Variants in KCNIP4 observed in about 807,000 individuals in gnomAD.
KCNIP4 encodes Kv channel-interacting protein 4.
KCNIP4 carries 12 observed loss-of-function variants against 34.0 expected under a neutral mutation model. The observed-to-expected ratio is 0.35, with a 90% CI of 0.23 to 0.57. The LOEUF is 0.57. Among genes scored for constraint, KCNIP4 ranks in the 20% least tolerant of loss-of-function variants. The pLI is 0.83. For missense variants in KCNIP4, 238 were observed against 311.7 expected (o/e 0.76, Z 1.78); for synonymous variants, 124 against 102.2 (o/e 1.21, Z -1.29).
At chr4:21,698,443 C>CT (rs1712573445) in intron 1 of KCNIP4, among the ~76,000 whole-genome samples, 1 of 152,100 alleles carries the variant, frequency 6.6e-6, no homozygotes, top group Middle Eastern at 3.2e-3. Flanking sequence ...TACCAATCAA[C>CT]TTTTTTAAAG....
chr4:21,390,128 T>C (rs1436145996), intron 1 of KCNIP4, among the ~76,000 whole-genome samples: 10 of 152,072 alleles, frequency 6.6e-5, no homozygotes, highest in Non-Finnish European at 1.2e-4. Context: ...TCATATCCTT[T>C]GCCCAATTTT....
intron 1 of KCNIP4, among the ~76,000 whole-genome samples, chr4:21,863,047 C>A (rs1725187674): frequency 2.0e-5 from 3 of 151,612 alleles, no homozygotes; most frequent in Admixed American, 2.0e-4. Flanking sequence ...ACTGTTAATA[C>A]CACCAGTTTC....
At chr4:21,085,189 A>G (rs1746313061) in intron 1 of KCNIP4, among the ~76,000 whole-genome samples, 1 of 152,126 alleles carries the variant, frequency 6.6e-6, no homozygotes, top group Non-Finnish European at 1.5e-5. Context: ...TATGAATAGA[A>G]TTAAAGCTCT....
chr4:20,857,140 C>T (rs1721674658), intron 2 of KCNIP4, among the ~76,000 whole-genome samples: 1 of 151,834 alleles, frequency 6.6e-6, no homozygotes, highest in Non-Finnish European at 1.5e-5. Flanking sequence ...TCCTACCTGC[C>T]AAAGGGCTGT....
At chr4:21,519,487 C>CAT (rs571632022) in intron 1 of KCNIP4, among the ~76,000 whole-genome samples, 1 of 85,708 alleles carries the variant, frequency 1.2e-5, no homozygotes, top group Non-Finnish European at 2.8e-5. Context: ...TGTATATACA[C>CAT]ATATGTGTGT....
At chr4:21,553,150 T>A (rs77741436) in intron 1 of KCNIP4, among the ~76,000 whole-genome samples, 1 of 34,152 alleles carries the variant, frequency 2.9e-5, no homozygotes, top group Non-Finnish European at 5.9e-5. Flanking sequence ...AAGGGGGGGG[T>A]CATAAAAGAG....
intron 1 of KCNIP4, among the ~76,000 whole-genome samples, chr4:21,648,038 T>G (rs1401722161): frequency 6.6e-6 from 1 of 151,772 alleles, no homozygotes; most frequent in Non-Finnish European, 1.5e-5. Context: ...CACGCCCAGC[T>G]AATTTTTTGT....
At chr4:20,958,957 G>A (rs1560601536) in intron 1 of KCNIP4, among the ~76,000 whole-genome samples, 1 of 152,172 alleles carries the variant, frequency 6.6e-6, no homozygotes, top group Non-Finnish European at 1.5e-5. Context: ...TTACAGCTGT[G>A]AGATGTCAAG....
chr4:20,983,489 T>A (rs1736288621), intron 1 of KCNIP4, among the ~76,000 whole-genome samples: 1 of 152,148 alleles, frequency 6.6e-6, no homozygotes, highest in Non-Finnish European at 1.5e-5. Flanking sequence ...GTAACCAACA[T>A]GAACTTGACA....
intron 1 of KCNIP4, among the ~76,000 whole-genome samples, chr4:20,902,290 G>C (rs1221588215): frequency 6.6e-6 from 1 of 152,080 alleles, no homozygotes; most frequent in Non-Finnish European, 1.5e-5. Flanking sequence ...TGGAGACAAG[G>C]GGACAGAGGA....
intron 1 of KCNIP4, among the ~76,000 whole-genome samples, chr4:21,172,121 G>A (rs541964655): frequency 2.0e-5 from 3 of 151,984 alleles, no homozygotes; most frequent in African/African-American, 4.8e-5. Flanking sequence ...TCTGCCTCCC[G>A]GGTTCAAGCA....
chr4:20,839,914 G>T (rs1367375674), intron 3 of KCNIP4, among the ~76,000 whole-genome samples: 1 of 152,144 alleles, frequency 6.6e-6, no homozygotes, highest in Non-Finnish European at 1.5e-5. Context: ...AGCATAACAG[G>T]TGTGAGATCA....
In KCNIP4 at chr4:21,317,675, C is replaced by T. The variant is rs147704491; in HGVS notation, c.62-434966G>A. On this transcript the variant is annotated intron_variant, in intron 1 of 8. Transcript: ENST00000382152. Reference sequence around the variant, plus strand: ...CATTTTGGAGATCCTCTTTTGAGAACTGATATGGTTTGGCTGTGTCCCCAC... The same window carrying T: ...CATTTTGGAGATCCTCTTTTGAGAATTGATATGGTTTGGCTGTGTCCCCAC... Among the ~76,000 whole-genome samples the T allele has an allele frequency of 1.7e-3, 253 of 152,262 alleles. 3 individuals carry two copies. The highest frequency in any genetic ancestry group is 0.011 in the Admixed American group (170 of 15,284).
At chr4:21,325,509 C>T (rs1391736183) in intron 1 of KCNIP4, among the ~76,000 whole-genome samples, 1 of 151,688 alleles carries the variant, frequency 6.6e-6, no homozygotes, top group Admixed American at 6.6e-5. Context: ...ATTAGTCTGT[C>T]TAAAGTTCTG....
In KCNIP4 at chr4:21,479,563, T is replaced by C. The variant is rs534968944; in HGVS notation, c.61+469008A>G. Reference sequence around the variant, plus strand: ...CTTAGGCCAGTTTACAAGTACTTTATAAGCTTGCTCTTTACAACATGCACA... The same window carrying C: ...CTTAGGCCAGTTTACAAGTACTTTACAAGCTTGCTCTTTACAACATGCACA... On this transcript the variant is annotated intron_variant, in intron 1 of 8. Coordinates refer to ENST00000382152, the MANE Select transcript of KCNIP4 (RefSeq NM_025221.6). Among the ~76,000 whole-genome samples the C allele has an allele frequency of 1.1e-4, 16 of 152,248 alleles. No homozygotes were observed. In the South Asian group the frequency reaches 3.3e-3, roughly 32 times the overall value.
chr4:21,704,133 A>C (rs1209244348), intron 1 of KCNIP4, among the ~76,000 whole-genome samples: 2 of 152,140 alleles, frequency 1.3e-5, no homozygotes, highest in African/African-American at 4.8e-5. Flanking sequence ...ATAGGCAAGA[A>C]CCCAACCTTG....
intron 1 of KCNIP4, among the ~76,000 whole-genome samples, chr4:21,507,270 AT>A (rs942154009): frequency 4.4e-4 from 62 of 142,012 alleles, no homozygotes; most frequent in African/African-American, 7.2e-4. Context: ...TTTTATTTTA[AT>A]TTTTTTTTTT....
chr4:21,462,112 A>G (rs541046779), intron 1 of KCNIP4, among the ~76,000 whole-genome samples: 1 of 152,060 alleles, frequency 6.6e-6, no homozygotes, highest in Admixed American at 6.6e-5. Context: ...AACTATAATC[A>G]CCCTACTGTG....
intron 1 of KCNIP4, among the ~76,000 whole-genome samples, chr4:21,741,838 A>G (rs1403467596): frequency 6.6e-6 from 1 of 152,080 alleles, no homozygotes; most frequent in Non-Finnish European, 1.5e-5. Flanking sequence ...GGAGTTCGAG[A>G]CCAGCCTGGC....
Sources: gnomAD v4.1 joint callset for allele counts (sites outside exome capture counted in the v4.1 genomes callset) on GRCh38, gnomAD v4.1.1 for gene constraint, MANE v1.5 for transcripts, NCBI Gene and HGNC (gene_info 2026-07-23, HGNC 2026-07-21) for gene names.